C12orf42: variants seen among roughly 807,000 people sequenced by gnomAD.
The protein encoded by C12orf42 is uncharacterized protein C12orf42.
A neutral mutation model predicts 21.6 loss-of-function variants in C12orf42; 25 were observed. That is an observed-to-expected ratio of 1.16 (90% CI 0.84 to 1.62). C12orf42 has a LOEUF of 1.62. Ranked by LOEUF, C12orf42 falls within the 40% of genes most tolerant of loss-of-function variation. The pLI, the probability that C12orf42 is intolerant of heterozygous loss-of-function variation, is 0.00. For missense variants in C12orf42, 483 were observed against 459.3 expected (o/e 1.05, Z -0.47); for synonymous variants, 174 against 175.0 (o/e 0.99, Z 0.05).
At chr12:103,512,695 G>A in the C12orf42 span, among the ~76,000 whole-genome samples, 4 of 152,164 alleles carry the variant, frequency 2.6e-5, no homozygotes, top group African/African-American at 9.7e-5. Flanking sequence ...GTGGTTAGGG[G>A]AGAAGTTGAT....
intron 10 of C12orf42, among the ~76,000 whole-genome samples, chr12:103,242,534 A>T (rs545314151): frequency 5.6e-4 from 85 of 152,036 alleles, no homozygotes; most frequent in African/African-American, 1.9e-3. Flanking sequence ...CATTTTTCAA[A>T]TTTTTTTTCT....
At chr12:103,168,159 T>C in the C12orf42 span, 2 of 447,172 alleles carry the variant, frequency 4.5e-6, no homozygotes, top group Non-Finnish European at 8.9e-6. Context: ...GGGCATATCA[T>C]CTAAAGAAGA....
In C12orf42 at chr12:103,302,531, G is replaced by A. The variant is rs763470684; in HGVS notation, c.660C>T (p.Ile220=). 2 of 1,610,644 alleles carry A rather than the reference G, an allele frequency of 1.2e-6. No individual in the cohort carries two copies. The highest frequency in any genetic ancestry group is 2.2e-5 in the South Asian group (2 of 90,984). The change falls in exon 6 of 6, where the codon ATC becomes ATT. Residue 220 remains isoleucine (I), a synonymous_variant. Transcript: ENST00000548883. The part of the protein sequence containing the change: ...SGSAARPSTA[I]GLCRRSQTPG... Reference sequence around the variant, plus strand: ...GCGTCTGGCTCCTCCTGCAGAGGCCGATGGCAGTGGAAGGTCTGGCGGCAG... The same window carrying A: ...GCGTCTGGCTCCTCCTGCAGAGGCCAATGGCAGTGGAAGGTCTGGCGGCAG...
chr12:103,325,231 T>C (rs1335604809), intron 4 of C12orf42, among the ~76,000 whole-genome samples: 1 of 152,202 alleles, frequency 6.6e-6, no homozygotes, highest in Non-Finnish European at 1.5e-5. Flanking sequence ...GCAGGCCTTA[T>C]TCATGGGCAG....
intron 4 of C12orf42, among the ~76,000 whole-genome samples, chr12:103,339,389 G>A (rs970220724): frequency 6.6e-6 from 1 of 152,194 alleles, no homozygotes; most frequent in Non-Finnish European, 1.5e-5. Flanking sequence ...CCCAGTATAT[G>A]TTGTTCCCTT....
chr12:103,506,314 C>CA, the C12orf42 span: 4 of 134,834 alleles, frequency 3.0e-5, no homozygotes, highest in East Asian at 4.7e-4. Flanking sequence ...ACCACCCCCC[C>CA]ACACACACAA....
chr12:103,252,774 G>A (rs987215916), intron 10 of C12orf42, among the ~76,000 whole-genome samples: 30 of 152,176 alleles, frequency 2.0e-4, no homozygotes, highest in African/African-American at 4.6e-4. Flanking sequence ...TCTGATGATC[G>A]GTTCTTTTGC....
At chr12:103,360,104 T>A (rs1187404544) in intron 4 of C12orf42, among the ~76,000 whole-genome samples, 2 of 149,750 alleles carry the variant, frequency 1.3e-5, no homozygotes, top group African/African-American at 4.9e-5. Flanking sequence ...CTCTAACTGC[T>A]GCTAGATATG....
upstream of C12orf42, among the ~76,000 whole-genome samples, chr12:103,499,914 TAAG>T (rs1007721628): frequency 6.6e-6 from 1 of 152,162 alleles, no homozygotes; most frequent in African/African-American, 2.4e-5. Flanking sequence ...CACAAAATAA[TAAG>T]AACTTAAATT....
At chr12:103,538,341 AG>A in the C12orf42 span, among the ~76,000 whole-genome samples, 1 of 152,240 alleles carries the variant, frequency 6.6e-6, no homozygotes, top group Admixed American at 6.5e-5. Context: ...TGCAGTAGAG[AG>A]GAAGAGTGTA....
intron 1 of C12orf42, among the ~76,000 whole-genome samples, chr12:103,491,719 G>T (rs1052339950): frequency 6.6e-6 from 1 of 152,188 alleles, no homozygotes; most frequent in African/African-American, 2.4e-5. Context: ...CAGTCAATTT[G>T]ATTGGAGAGA....
the C12orf42 span, among the ~76,000 whole-genome samples, chr12:103,113,520 T>TCTCAAA: frequency 0.012 from 1,791 of 152,242 alleles, 34 homozygotes; most frequent in African/African-American, 0.041. Context: ...TCCTAAAGTT[T>TCTCAAA]TGGTTTTCAA....
At position 103,347,786 on chromosome 12, in the gene C12orf42, A is replaced by G. The variant is rs767997203; in HGVS notation, c.259+21101T>C. ...TAACAAAGGAGCCCCAACTGACTAAAAAACAGGAGGGAGACATTTTACTCC... is the reference window on the plus strand; with the variant it reads ...TAACAAAGGAGCCCCAACTGACTAAGAAACAGGAGGGAGACATTTTACTCC... On this transcript the variant is annotated intron_variant, in intron 4 of 5. Transcript: ENST00000548883. Among the ~76,000 whole-genome samples, 32 of 152,188 alleles carry G rather than the reference A, an allele frequency of 2.1e-4. 1 individual carries two copies. Among genetic ancestry groups the G allele is most frequent in the Non-Finnish European group, 3.4e-4 (23 of 68,030 alleles).
chr12:103,260,534 G>A (rs928697522), intron 10 of C12orf42, among the ~76,000 whole-genome samples: 1 of 152,128 alleles, frequency 6.6e-6, no homozygotes, highest in African/African-American at 2.4e-5. Flanking sequence ...GTGTTTCTTG[G>A]GAAAACTAGG....
At chr12:103,408,959 A>G (rs988093692) in intron 2 of C12orf42, among the ~76,000 whole-genome samples, 2 of 152,226 alleles carry the variant, frequency 1.3e-5, no homozygotes, top group South Asian at 2.1e-4. Flanking sequence ...ATAGATTAAC[A>G]TAGTAAATTC....
intron 2 of C12orf42, among the ~76,000 whole-genome samples, chr12:103,406,160 T>C (rs574698070): frequency 2.6e-5 from 4 of 152,190 alleles, no homozygotes; most frequent in Non-Finnish European, 5.9e-5. Context: ...GTACTACTAA[T>C]CCAGGGCTTC....
chr12:103,408,670 G>A (rs925214289), intron 2 of C12orf42, among the ~76,000 whole-genome samples: 2 of 152,120 alleles, frequency 1.3e-5, no homozygotes, highest in Admixed American at 1.3e-4. Flanking sequence ...ATGGGAAAAT[G>A]GATTTTTAAC....
At chr12:103,199,614 C>CA in the C12orf42 span, among the ~76,000 whole-genome samples, 19 of 151,836 alleles carry the variant, frequency 1.3e-4, no homozygotes, top group African/African-American at 3.6e-4. Context: ...AACTCAATAG[C>CA]AAAAAAACAA....
At chr12:103,483,391 A>C (rs578033065) in intron 1 of C12orf42, among the ~76,000 whole-genome samples, 1 of 152,312 alleles carries the variant, frequency 6.6e-6, no homozygotes, top group Non-Finnish European at 1.5e-5. Flanking sequence ...AAAAAATTTA[A>C]GAAAATTCTC....
Sources: allele counts gnomAD v4.1 joint callset (sites outside exome capture counted in the v4.1 genomes callset), GRCh38; gene constraint gnomAD v4.1.1; transcripts MANE v1.5; gene names NCBI Gene and HGNC (gene_info 2026-07-23, HGNC 2026-07-21).